The following SGCD variants were observed in gnomAD, a reference collection of about 807,000 sequenced individuals.
SGCD encodes the protein delta-sarcoglycan.
A neutral mutation model predicts 36.6 loss-of-function variants in SGCD; 18 were observed. The observed-to-expected ratio is 0.49, with a 90% CI of 0.34 to 0.73. The LOEUF is 0.73. SGCD is among the 30% of genes least tolerant of loss of function. The pLI is 0.01. For missense variants in SGCD, 387 were observed against 346.7 expected (o/e 1.12, Z -0.92); for synonymous variants, 133 against 130.6 (o/e 1.02, Z -0.12).
intron 3 of SGCD, among the ~76,000 whole-genome samples, chr5:156,149,707 TG>T (rs565752118): frequency 9.3e-5 from 14 of 150,796 alleles, no homozygotes; most frequent in African/African-American, 3.4e-4. Context: ...TGAGAGCTGG[TG>T]GGGTGATGTG....
intron 1 of SGCD, among the ~76,000 whole-genome samples, chr5:155,997,504 A>G (rs1298272895): frequency 1.3e-5 from 2 of 152,256 alleles, no homozygotes; most frequent in South Asian, 2.1e-4. Flanking sequence ...TGAGTTTGTC[A>G]TCATGAAATA....
intron 3 of SGCD, among the ~76,000 whole-genome samples, chr5:156,141,243 G>A (rs991280286): frequency 1.8e-4 from 28 of 152,202 alleles, no homozygotes; most frequent in African/African-American, 5.5e-4. Flanking sequence ...AGGCAAGAGC[G>A]TCCCTACTAG....
intron 3 of SGCD, among the ~76,000 whole-genome samples, chr5:156,396,605 G>C (rs1771863807): frequency 6.6e-6 from 1 of 152,060 alleles, no homozygotes. Flanking sequence ...GCGGTGTGGA[G>C]CATGGTAGGG....
chr5:155,833,053 C>CAAAAAAA, the SGCD span, among the ~76,000 whole-genome samples: 39 of 90,294 alleles, frequency 4.3e-4, 2 homozygotes, highest in East Asian at 7.7e-4. Context: ...ACTAAAAATA[C>CAAAAAAA]GAAAAAAAAA....
chr5:156,588,440 C>A (rs112046882), intron 4 of SGCD, among the ~76,000 whole-genome samples: 3,265 of 152,060 alleles, frequency 0.021, 35 homozygotes, highest in Non-Finnish European at 0.03. Flanking sequence ...AGTTTTACAC[C>A]AAAACAGCAG....
chr5:156,423,119 ATAT>A (rs1773398006), intron 3 of SGCD, among the ~76,000 whole-genome samples: 1 of 128,314 alleles, frequency 7.8e-6, no homozygotes, highest in South Asian at 2.4e-4. Context: ...GAAAAAGGAA[ATAT>A]TAATTAATTA....
chr5:156,759,454 G>T lies in SGCD; in HGVS notation c.*64G>T. 8.5e-7 allele frequency: 1 copy of T among 1,170,850 alleles called. No homozygotes were observed. 72.5% of individuals were successfully genotyped at this position (1,170,850 alleles called of 1,614,324 possible). A position where few individuals can be genotyped will look rare whatever the true frequency, so the allele number is the denominator to read the frequency against. The stretch of plus-strand genomic sequence containing the variant: ...CCTTTTTTGGCTTTAGACACTGGCT[G>T]CCAGCTATTTTTACTAGAACACAGA... On this transcript the variant is annotated 3_prime_UTR_variant, in exon 9 of 9. Coordinates refer to ENST00000337851, the MANE Select transcript of SGCD (RefSeq NM_000337.6).
chr5:156,038,443 C>T (rs866441278), intron 1 of SGCD, among the ~76,000 whole-genome samples: 65 of 152,060 alleles, frequency 4.3e-4, no homozygotes, highest in African/African-American at 1.5e-3. Context: ...AGTATTATGC[C>T]AATGTTAATT....
At chr5:156,121,629 G>A (rs1186427894) in intron 2 of SGCD, among the ~76,000 whole-genome samples, 1 of 152,082 alleles carries the variant, frequency 6.6e-6, no homozygotes, top group African/African-American at 2.4e-5. Flanking sequence ...ATAAAAATGA[G>A]GGGTACCCCA....
At chr5:156,226,851 T>C (rs949119731) in intron 3 of SGCD, among the ~76,000 whole-genome samples, 1 of 152,160 alleles carries the variant, frequency 6.6e-6, no homozygotes, top group African/African-American at 2.4e-5. Context: ...ATTAGTGACA[T>C]TGAGCATTTT....
intron 3 of SGCD, among the ~76,000 whole-genome samples, chr5:156,132,613 C>T (rs1253959342): frequency 2.6e-5 from 4 of 151,014 alleles, no homozygotes; most frequent in Admixed American, 6.6e-5. Context: ...GGATTACAGG[C>T]GCCCACCACC....
chr5:155,852,284 T>A, the SGCD span, among the ~76,000 whole-genome samples: 1 of 152,148 alleles, frequency 6.6e-6, no homozygotes, highest in Non-Finnish European at 1.5e-5. Flanking sequence ...ATGAGTGGAG[T>A]GTTTAAAGTA....
At chr5:156,150,081 G>T (rs1762797734) in intron 3 of SGCD, among the ~76,000 whole-genome samples, 1 of 152,108 alleles carries the variant, frequency 6.6e-6, no homozygotes, top group Admixed American at 6.5e-5. Context: ...CCCTCCAGAA[G>T]TGTGCTGTTA....
chr5:155,943,782 C>G (rs951522321), intron 1 of SGCD, among the ~76,000 whole-genome samples: 1 of 152,138 alleles, frequency 6.6e-6, no homozygotes, highest in African/African-American at 2.4e-5. Context: ...CAATTTTGAA[C>G]TCAAATGTAG....
At chr5:155,849,164 T>G in the SGCD span, among the ~76,000 whole-genome samples, 8 of 152,116 alleles carry the variant, frequency 5.3e-5, no homozygotes, top group African/African-American at 1.9e-4. Flanking sequence ...TAAACTAATG[T>G]CGTAATGGTA....
intron 3 of SGCD, among the ~76,000 whole-genome samples, chr5:156,269,118 A>C (rs906551067): frequency 1.3e-5 from 2 of 152,054 alleles, no homozygotes; most frequent in African/African-American, 4.8e-5. Flanking sequence ...CACTTCTTAC[A>C]TGGCAACAGC....
At chr5:156,124,422 C>A (rs969948644) in intron 3 of SGCD, among the ~76,000 whole-genome samples, 2 of 152,116 alleles carry the variant, frequency 1.3e-5, no homozygotes, top group African/African-American at 4.8e-5. Flanking sequence ...TTTACAGTGT[C>A]CACAGGAGAC....
intron 3 of SGCD, among the ~76,000 whole-genome samples, chr5:156,396,150 T>C (rs1771837921): frequency 6.6e-6 from 1 of 152,140 alleles, no homozygotes; most frequent in African/African-American, 2.4e-5. Context: ...CTGCAATCCA[T>C]TTTCCCCTGG....
intron 3 of SGCD, among the ~76,000 whole-genome samples, chr5:156,418,315 T>A (rs1773144622): frequency 1.3e-5 from 2 of 152,116 alleles, no homozygotes; most frequent in African/African-American, 2.4e-5. Context: ...TTGACTCTGA[T>A]CCTAAGCAGA....
Sources: gnomAD v4.1 joint callset for allele counts (sites outside exome capture counted in the v4.1 genomes callset) on GRCh38, gnomAD v4.1.1 for gene constraint, MANE v1.5 for transcripts, NCBI Gene and HGNC (gene_info 2026-07-23, HGNC 2026-07-21) for gene names.